NELL1: variants seen among roughly 807,000 people sequenced by gnomAD.
NELL1 encodes protein kinase C-binding protein NELL1.
Under a neutral mutation model 107.4 loss-of-function variants are expected in NELL1, and 76 were observed. The observed-to-expected ratio is 0.71, with a 90% CI of 0.59 to 0.86. The LOEUF is 0.86. NELL1 is among the 40% of genes least tolerant of loss of function. The pLI, the probability that NELL1 is intolerant of heterozygous loss-of-function variation, is 0.00. For missense variants in NELL1, 1,024 were observed against 1,005.5 expected (o/e 1.02, Z -0.25); for synonymous variants, 353 against 341.2 (o/e 1.03, Z -0.38).
chr11:21,344,745 A>G (rs995538791), intron 14 of NELL1, among the ~76,000 whole-genome samples: 2 of 152,082 alleles, frequency 1.3e-5, no homozygotes, highest in African/African-American at 4.8e-5. Context: ...CGGTTTTTCT[A>G]TCTTTACAAT....
chr11:21,026,171 T>C (rs2134309639), intron 12 of NELL1, among the ~76,000 whole-genome samples: 1 of 152,276 alleles, frequency 6.6e-6, no homozygotes, highest in South Asian at 2.1e-4. Flanking sequence ...GTAAATCAGA[T>C]CATGTTATTC....
intron 2 of NELL1, among the ~76,000 whole-genome samples, chr11:20,720,773 T>C (rs573557507): frequency 2.2e-4 from 33 of 152,206 alleles, no homozygotes; most frequent in African/African-American, 7.7e-4. Flanking sequence ...TCAAATTTCT[T>C]CTTTTTATAA....
intron 15 of NELL1, among the ~76,000 whole-genome samples, chr11:21,467,575 T>C (rs1854064309): frequency 6.6e-6 from 1 of 152,102 alleles, no homozygotes; most frequent in Non-Finnish European, 1.5e-5. Context: ...TGCTTTATTA[T>C]GTTTTTTTAA....
At chr11:21,184,506 G>A (rs774806729) in intron 13 of NELL1, among the ~76,000 whole-genome samples, 1 of 151,844 alleles carries the variant, frequency 6.6e-6, no homozygotes, top group South Asian at 2.1e-4. Flanking sequence ...CTGACCCCAA[G>A]TGATCCACCT....
At chr11:20,938,260 C>T (rs1348624754) in intron 10 of NELL1, among the ~76,000 whole-genome samples, 1 of 152,172 alleles carries the variant, frequency 6.6e-6, no homozygotes, top group African/African-American at 2.4e-5. Flanking sequence ...CCTCTTCCTC[C>T]TGCCTGCCCC....
At chr11:21,521,372 GC>G (rs1232644810) in intron 15 of NELL1, among the ~76,000 whole-genome samples, 1 of 152,148 alleles carries the variant, frequency 6.6e-6, no homozygotes, top group Non-Finnish European at 1.5e-5. Context: ...AAGATTTCAA[GC>G]TTTTGAATTT....
At chr11:20,725,257 A>G (rs1294881330) in intron 2 of NELL1, among the ~76,000 whole-genome samples, 4 of 152,130 alleles carry the variant, frequency 2.6e-5, no homozygotes, top group African/African-American at 4.8e-5. Flanking sequence ...ATTGTTCCAA[A>G]TTTCCTACAT....
At chr11:20,964,451 G>A (rs541296180) in intron 12 of NELL1, among the ~76,000 whole-genome samples, 2 of 152,266 alleles carry the variant, frequency 1.3e-5, no homozygotes, top group East Asian at 3.9e-4. Flanking sequence ...CTTGCAGAGT[G>A]TTTTAAATTT....
chr11:21,059,445 T>G (rs941145097), intron 12 of NELL1, among the ~76,000 whole-genome samples: 2 of 152,010 alleles, frequency 1.3e-5, no homozygotes, highest in Non-Finnish European at 2.9e-5. Context: ...TCACCCTTAC[T>G]CCCCAAGAAG....
At chr11:20,746,008 TTAAC>T (rs1367639647) in intron 2 of NELL1, among the ~76,000 whole-genome samples, 1 of 152,186 alleles carries the variant, frequency 6.6e-6, no homozygotes, top group Non-Finnish European at 1.5e-5. Context: ...CTCTAATTAT[TTAAC>T]TAATAAGAAG....
chr11:20,915,250 C>G (rs1232935497), intron 5 of NELL1, among the ~76,000 whole-genome samples: 2 of 151,836 alleles, frequency 1.3e-5, no homozygotes, highest in Non-Finnish European at 2.9e-5. Flanking sequence ...TGAGTAAATG[C>G]TCTTGCTCCA....
At chr11:21,287,803 T>C (rs1218992605) in intron 14 of NELL1, among the ~76,000 whole-genome samples, 1 of 152,038 alleles carries the variant, frequency 6.6e-6, no homozygotes, top group Non-Finnish European at 1.5e-5. Context: ...CAGCTCTCTA[T>C]ATACACTATC....
intron 12 of NELL1, among the ~76,000 whole-genome samples, chr11:21,105,710 A>G (rs1224062932): frequency 6.6e-6 from 1 of 151,878 alleles, no homozygotes; most frequent in Non-Finnish European, 1.5e-5. Context: ...AAATCTTACC[A>G]AGGACTTCCT....
At chr11:21,062,582 C>G (rs776381413) in intron 12 of NELL1, among the ~76,000 whole-genome samples, 4 of 152,118 alleles carry the variant, frequency 2.6e-5, no homozygotes, top group Admixed American at 6.5e-5. Context: ...GGACTATATT[C>G]CAACATCAAT....
At chr11:21,171,664 T>A (rs1856609707) in intron 13 of NELL1, among the ~76,000 whole-genome samples, 2 of 151,814 alleles carry the variant, frequency 1.3e-5, no homozygotes, top group Non-Finnish European at 2.9e-5. Context: ...TGAATTAGGA[T>A]ATAGATGCTG....
chr11:21,509,142 G>T (rs117578765), intron 15 of NELL1, among the ~76,000 whole-genome samples: 1,617 of 152,194 alleles, frequency 0.011, 21 homozygotes, highest in Non-Finnish European at 0.017. Context: ...CTAGTAATCA[G>T]GAATATCTGA....
At chr11:20,773,116 G>A (rs1309549781) in intron 2 of NELL1, among the ~76,000 whole-genome samples, 1 of 152,142 alleles carries the variant, frequency 6.6e-6, no homozygotes, top group Admixed American at 6.5e-5. Context: ...TCCAACCCTG[G>A]CTGGCAACCC....
chr11:21,285,477 C>T (rs1565148501), intron 14 of NELL1, among the ~76,000 whole-genome samples: 1 of 152,192 alleles, frequency 6.6e-6, no homozygotes, highest in Non-Finnish European at 1.5e-5. Flanking sequence ...GCAGAGCTGA[C>T]ATAGAATGCT....
chr11:21,077,070 T>G (rs1399897867), intron 12 of NELL1, among the ~76,000 whole-genome samples: 1 of 152,138 alleles, frequency 6.6e-6, no homozygotes, highest in Non-Finnish European at 1.5e-5. Context: ...CTTCCCATTT[T>G]AAGTATGGAA....
Sources: gnomAD v4.1 joint callset for allele counts (sites outside exome capture counted in the v4.1 genomes callset) on GRCh38, gnomAD v4.1.1 for gene constraint, MANE v1.5 for transcripts, NCBI Gene and HGNC (gene_info 2026-07-23, HGNC 2026-07-21) for gene names.